DSCAML1: variants seen among roughly 807,000 people sequenced by gnomAD.
DSCAML1 encodes DS cell adhesion molecule like 1.
A neutral mutation model predicts 200.5 loss-of-function variants in DSCAML1; 38 were observed. That is an observed-to-expected ratio of 0.19 (90% CI 0.15 to 0.25). The LOEUF is 0.25. DSCAML1 is among the 10% of genes least tolerant of loss of function. The probability of loss-of-function intolerance (pLI) is 1.00; values close to 1 mark genes in which losing one functional copy is unlikely to be tolerated. For missense variants in DSCAML1, 2,223 were observed against 2,858.8 expected, an observed-to-expected ratio of 0.78 and a Z score of 5.07; for synonymous variants, 1,215 against 1,165.0, an observed-to-expected ratio of 1.04 and a Z score of -0.87.
intron 1 of DSCAML1, among the ~76,000 whole-genome samples, chr11:117,816,283 C>G (rs1293952084): frequency 6.6e-6 from 1 of 152,276 alleles, no homozygotes; most frequent in African/African-American, 2.4e-5. Context: ...CACTGCCCTC[C>G]CAATGTCCCG....
chr11:117,502,678 A>G (rs563131580), intron 11 of DSCAML1, among the ~76,000 whole-genome samples: 3 of 152,264 alleles, frequency 2.0e-5, no homozygotes, highest in East Asian at 3.9e-4. Context: ...GGGCTATGCT[A>G]TCAGCAGGCT....
chr11:117,518,605 G>A lies in DSCAML1; in HGVS notation c.1371C>T (p.Asn457=), dbSNP rs769935664. The change falls in exon 7 of 33, where the codon AAC becomes AAT. Residue 457 remains asparagine, a synonymous_variant. Coordinates refer to ENST00000651296, the MANE Select transcript of DSCAML1 (RefSeq NM_020693.4). The surrounding 1 kb of genome is among the most constrained non-coding windows in gnomAD (Gnocchi z 6.3). ...TGGTGCCGTCCGACATGGTGTACTG[G>A]TTGGTGCGGTGGCTGCCATCCCGCA... ...PIVRDGSHRT[N]QYTMSDGTTI... is the part of the protein sequence containing the mutation. 2.5e-5 allele frequency: 41 copies of A among 1,613,916 alleles called. No individual in the cohort carries two copies. Among genetic ancestry groups the A allele is most frequent in the Non-Finnish European group, 3.1e-5 (37 of 1,179,998 alleles).
intron 3 of DSCAML1, among the ~76,000 whole-genome samples, chr11:117,710,290 C>A (rs2053824867): frequency 6.6e-6 from 1 of 152,192 alleles, no homozygotes. Context: ...TCATATTTCT[C>A]ACTTCTCTGC....
intron 3 of DSCAML1, among the ~76,000 whole-genome samples, chr11:117,682,562 C>T (rs2053329810): frequency 6.6e-6 from 1 of 152,176 alleles, no homozygotes; most frequent in African/African-American, 2.4e-5. Context: ...GTGAAAAGAA[C>T]TCCTACATTC....
chr11:117,470,392 G>A (rs951756899), intron 15 of DSCAML1, among the ~76,000 whole-genome samples: 5 of 152,032 alleles, frequency 3.3e-5, no homozygotes, highest in Admixed American at 1.3e-4. Flanking sequence ...TGGCTAACAG[G>A]GTGAAACCCT....
At chr11:117,556,880 G>T (rs1016452542) in intron 3 of DSCAML1, among the ~76,000 whole-genome samples, 3 of 152,218 alleles carry the variant, frequency 2.0e-5, no homozygotes, top group African/African-American at 7.2e-5. Flanking sequence ...CATCTTCTTA[G>T]CTGCAGTATG....
rs2048126399 is a variant in DSCAML1, at chr11:117,444,058, G to C, written c.3709-19C>G. On this transcript the variant is annotated intron_variant, in intron 20 of 32. Transcript: ENST00000651296. Reference sequence around the variant, plus strand: ...TGGGAGCCTGCGGGGCAGAGGCAAAGAGGCTCTAAGAAGCAGAACTGGGGC... The same window carrying C: ...TGGGAGCCTGCGGGGCAGAGGCAAACAGGCTCTAAGAAGCAGAACTGGGGC... The C allele has an allele frequency of 2.5e-6, 4 of 1,597,246 alleles. No homozygotes were observed. The highest frequency in any genetic ancestry group is 3.4e-6 in the Non-Finnish European group (4 of 1,168,728).
At chr11:117,536,060 GAC>G (rs1339266082) in intron 3 of DSCAML1, among the ~76,000 whole-genome samples, 5 of 150,204 alleles carry the variant, frequency 3.3e-5, no homozygotes, top group Non-Finnish European at 5.9e-5. Flanking sequence ...AACGTTTTCA[GAC>G]ACAGTGTTTT....
chr11:117,714,623 C>A (rs4938429), intron 3 of DSCAML1, among the ~76,000 whole-genome samples: 144,889 of 152,030 alleles, frequency 0.95, 69,213 homozygotes, highest in South Asian at 0.99. Flanking sequence ...TCGGGAGCAG[C>A]CTGGCCAACA....
chr11:117,502,895 G>T (rs1261250108), intron 11 of DSCAML1, among the ~76,000 whole-genome samples: 1 of 151,954 alleles, frequency 6.6e-6, no homozygotes, highest in Non-Finnish European at 1.5e-5. Context: ...ACGAGGCCAA[G>T]TATGCTCATC....
upstream of DSCAML1, among the ~76,000 whole-genome samples, chr11:117,799,551 G>T (rs564160699): frequency 6.6e-6 from 1 of 152,224 alleles, no homozygotes; most frequent in South Asian, 2.1e-4. Context: ...TGGCTGTCCC[G>T]GGAGGAGACA....
chr11:117,711,248 T>C lies in DSCAML1; in HGVS notation c.511+65543A>G, dbSNP rs532860465. Among the ~76,000 whole-genome samples the C allele has an allele frequency of 1.6e-3, 246 of 152,312 alleles. 1 individual carries two copies. Among genetic ancestry groups the C allele is most frequent in the African/African-American group, 5.6e-3 (232 of 41,578 alleles). On this transcript the variant is annotated intron_variant, in intron 3 of 32. Transcript: ENST00000651296. Reference sequence around the variant, plus strand: ...ATGGAGGTTGTTGTGGCCCAGCTTTTTTCCACCTTCCATTCTTTTGAGGAG... The same window carrying C: ...ATGGAGGTTGTTGTGGCCCAGCTTTCTTCCACCTTCCATTCTTTTGAGGAG...
intron 27 of DSCAML1, 125 bp from the exon 28 acceptor site, chr11:117,433,596 A>C: frequency 2.0e-6 from 2 of 1,003,100 alleles, no homozygotes; most frequent in Non-Finnish European, 2.9e-6. Context: ...GTCTCCTAAG[A>C]AGCAGAAGGA....
At chr11:117,768,084 T>C (rs1337202820) in intron 3 of DSCAML1, among the ~76,000 whole-genome samples, 1 of 152,166 alleles carries the variant, frequency 6.6e-6, no homozygotes, top group African/African-American at 2.4e-5. Context: ...CTGAAAGCAC[T>C]TTATAAACTG....
chr11:117,806,213 C>T (rs1310820261), intron 1 of DSCAML1, among the ~76,000 whole-genome samples: 1 of 152,212 alleles, frequency 6.6e-6, no homozygotes, highest in African/African-American at 2.4e-5. Flanking sequence ...AAGAGAGCTG[C>T]TTAAGCTCAG....
At chr11:117,705,033 C>T (rs554024856) in intron 3 of DSCAML1, among the ~76,000 whole-genome samples, 33 of 152,268 alleles carry the variant, frequency 2.2e-4, no homozygotes, top group Middle Eastern at 3.4e-3. Flanking sequence ...TGCGTACCCA[C>T]GCCGAGGGGG....
chr11:117,521,105 CCT>C (rs773623009), intron 6 of DSCAML1, 23 bp downstream of exon 6: 20 of 1,606,266 alleles, frequency 1.2e-5, no homozygotes, highest in East Asian at 2.2e-5. Context: ...GAACCCGCCC[CCT>C]GTGTCCTGGC....
rs577893771 is a variant in DSCAML1 at position 117,593,878 on chromosome 11, A to T, written c.512-61356T>A. The stretch of plus-strand genomic sequence containing the variant: ...AGGCGCCCGCCACCACACCTGGCTA[A>T]TTTTTTTTGTATTTTTAGTAGAGAC... On this transcript the variant is annotated intron_variant, in intron 3 of 32. Transcript: ENST00000651296. Among the ~76,000 whole-genome samples the T allele has an allele frequency of 1.2e-3, 176 of 151,480 alleles. 2 individuals carry two copies. Among genetic ancestry groups the T allele is most frequent in the African/African-American group, 4.0e-3 (165 of 41,314 alleles).
chr11:117,586,401 C>G (rs2051142141), intron 3 of DSCAML1, among the ~76,000 whole-genome samples: 2 of 152,212 alleles, frequency 1.3e-5, no homozygotes, highest in Admixed American at 1.3e-4. Context: ...TGTAGGAGGA[C>G]CCCTACCCCT....
Sources: allele counts gnomAD v4.1 joint callset (sites outside exome capture counted in the v4.1 genomes callset), GRCh38; gene constraint gnomAD v4.1.1; non-coding constraint Gnocchi (gnomAD v3.1); transcripts MANE v1.5; gene names NCBI Gene and HGNC (gene_info 2026-07-23, HGNC 2026-07-21).